Variants in TTC39B observed in about 807,000 individuals in gnomAD.
TTC39B encodes tetratricopeptide repeat protein 39B.
TTC39B carries 92 observed loss-of-function variants against 96.6 expected under a neutral mutation model. The ratio of observed to expected loss-of-function variants is 0.95; its 90% confidence interval spans 0.80 to 1.13. The LOEUF (loss-of-function observed/expected upper bound fraction) is 1.13. TTC39B is among the 50% of genes most tolerant of loss of function. The pLI is 0.00. For synonymous variants in TTC39B, 367 were observed against 299.4 expected (o/e 1.23, Z -2.33); for missense variants, 955 against 809.3 (o/e 1.18, Z -2.18).
At chr9:15,288,074 T>C (rs1480674475) in intron 1 of TTC39B, among the ~76,000 whole-genome samples, 1 of 152,190 alleles carries the variant, frequency 6.6e-6, no homozygotes, top group African/African-American at 2.4e-5. Context: ...AATAAAGTCA[T>C]TTCTACCATT....
chr9:15,285,046 G>A (rs1823907107), intron 1 of TTC39B, among the ~76,000 whole-genome samples: 1 of 152,014 alleles, frequency 6.6e-6, no homozygotes, highest in African/African-American at 2.4e-5. Context: ...CGGATCACGA[G>A]GTCAGGAAAT....
At chr9:15,199,196 T>A (rs1356652125) in intron 8 of TTC39B, among the ~76,000 whole-genome samples, 2 of 152,190 alleles carry the variant, frequency 1.3e-5, no homozygotes, top group Non-Finnish European at 2.9e-5. Context: ...AACATTTCCA[T>A]CTATTGCAGA....
intron 1 of TTC39B, among the ~76,000 whole-genome samples, chr9:15,295,899 T>C (rs757669862): frequency 1.8e-4 from 28 of 152,184 alleles, no homozygotes; most frequent in Non-Finnish European, 3.8e-4. Flanking sequence ...GGGTGACATA[T>C]GAGTACTTTT....
At chr9:15,180,210 G>A (rs1325075875) in intron 17 of TTC39B, among the ~76,000 whole-genome samples, 1 of 152,140 alleles carries the variant, frequency 6.6e-6, no homozygotes, top group African/African-American at 2.4e-5. Flanking sequence ...ATTTTTAGAA[G>A]CTAGCTGAAA....
At chr9:15,190,775 T>C (rs1217036470) in intron 10 of TTC39B, 113 bp from the exon 11 acceptor site, 2 of 851,860 alleles carry the variant, frequency 2.3e-6, no homozygotes, top group South Asian at 1.6e-5. Flanking sequence ...TTTCATATAT[T>C]ACGCTGTGGT....
chr9:15,197,206 A>C (rs1160389190), intron 8 of TTC39B, among the ~76,000 whole-genome samples: 1 of 152,192 alleles, frequency 6.6e-6, no homozygotes, highest in Non-Finnish European at 1.5e-5. Context: ...AACCCAAAAT[A>C]TCTCTGAGGT....
Position 15,275,402 on chromosome 9 carries a change from C to A in TTC39B, c.241-7454G>T, listed in dbSNP as rs2131568619. Among the ~76,000 whole-genome samples the A allele has an allele frequency of 1.3e-5, 2 of 152,196 alleles. 1 individual carries two copies. The highest frequency in any genetic ancestry group is 2.9e-5 in the Non-Finnish European group (2 of 68,000). On this transcript the variant is annotated intron_variant, in intron 1 of 19. Transcript: ENST00000512701. ...GCCTTAGGGTTGATGAAGTAAGGTTCTATGTTTTTTAAAGCTTCATTTTTA... is the reference window on the plus strand; with the variant it reads ...GCCTTAGGGTTGATGAAGTAAGGTTATATGTTTTTTAAAGCTTCATTTTTA...
At chr9:15,225,715 G>T (rs572257790) in intron 3 of TTC39B, among the ~76,000 whole-genome samples, 2 of 152,328 alleles carry the variant, frequency 1.3e-5, no homozygotes, top group East Asian at 3.9e-4. Context: ...TCATGTAACA[G>T]TGCCACCTAT....
At chr9:15,260,267 T>A (rs1420582822) in intron 2 of TTC39B, among the ~76,000 whole-genome samples, 1 of 141,314 alleles carries the variant, frequency 7.1e-6, no homozygotes, top group Non-Finnish European at 1.5e-5. Context: ...CCTACAAAAT[T>A]CCTCATTGTG....
chr9:15,305,739 T>C (rs1025104505), intron 1 of TTC39B, among the ~76,000 whole-genome samples: 2 of 150,528 alleles, frequency 1.3e-5, no homozygotes, highest in Admixed American at 6.7e-5. Flanking sequence ...GGGGTGACCA[T>C]TTGTCAAAGT....
At chr9:15,195,018 C>T (rs1034931517) in intron 8 of TTC39B, among the ~76,000 whole-genome samples, 2 of 152,160 alleles carry the variant, frequency 1.3e-5, no homozygotes, top group Non-Finnish European at 2.9e-5. Flanking sequence ...AATAATTAAG[C>T]GTAGTGAGGA....
chr9:15,266,648 A>G (rs1256624231), intron 2 of TTC39B, among the ~76,000 whole-genome samples: 1 of 151,998 alleles, frequency 6.6e-6, no homozygotes, highest in Non-Finnish European at 1.5e-5. Context: ...GTGCCCCTCT[A>G]CCCCCACCTG....
intron 2 of TTC39B, among the ~76,000 whole-genome samples, chr9:15,248,143 G>C (rs1822368517): frequency 6.6e-6 from 1 of 152,170 alleles, no homozygotes; most frequent in African/African-American, 2.4e-5. Flanking sequence ...AATAATCTAG[G>C]TTGTTTCTTC....
chr9:15,224,552 C>T (rs897509572), intron 3 of TTC39B: 1 of 152,228 alleles, frequency 6.6e-6, no homozygotes, highest in Non-Finnish European at 1.5e-5. Flanking sequence ...TACGTGCATG[C>T]TAAAGACTTC....
intron 6 of TTC39B, among the ~76,000 whole-genome samples, chr9:15,206,937 C>G (rs1819894884): frequency 6.6e-6 from 1 of 152,136 alleles, no homozygotes; most frequent in African/African-American, 2.4e-5. Context: ...ATGTTTGGAT[C>G]ATGGGGGTGG....
In TTC39B at chr9:15,189,720, C is replaced by T. The variant is rs1420011780; in HGVS notation, c.1173+5G>A. ...GAAACATACACTTTGAAATACTGAG[C>T]GTACATTTGGAAACTGCTGGAGGAA... On this transcript the variant is annotated splice_donor_5th_base_variant and intron_variant, in intron 12 of 19. Coordinates refer to ENST00000512701, the Ensembl canonical transcript of TTC39B. 13 of 1,613,850 alleles carry T rather than the reference C, an allele frequency of 8.1e-6. No individual in the cohort carries two copies. The highest frequency in any genetic ancestry group is 2.2e-5 in the East Asian group (1 of 44,886).
At chr9:15,264,363 G>A (rs1823046523) in intron 2 of TTC39B, among the ~76,000 whole-genome samples, 1 of 152,046 alleles carries the variant, frequency 6.6e-6, no homozygotes, top group African/African-American at 2.4e-5. Context: ...AAAAAAATGG[G>A]TAACTAGGCC....
intron 2 of TTC39B, among the ~76,000 whole-genome samples, chr9:15,247,815 C>T (rs746919489): frequency 6.7e-6 from 1 of 149,926 alleles, no homozygotes; most frequent in Non-Finnish European, 1.5e-5. Flanking sequence ...TTTAGGAGTG[C>T]ACTGTGGCTT....
intron 1 of TTC39B, among the ~76,000 whole-genome samples, chr9:15,305,449 A>G (rs1249499263): frequency 6.6e-6 from 1 of 152,222 alleles, no homozygotes; most frequent in African/African-American, 2.4e-5. Context: ...CTCATCAACT[A>G]GGACTAGTAC....
Sources: gnomAD v4.1 joint callset for allele counts (sites outside exome capture counted in the v4.1 genomes callset) on GRCh38, gnomAD v4.1.1 for gene constraint, MANE v1.5 for transcripts, NCBI Gene and HGNC (gene_info 2026-07-23, HGNC 2026-07-21) for gene names.